OTOG: variants seen among roughly 807,000 people sequenced by gnomAD.
OTOG encodes otogelin.
In OTOG, 296 loss-of-function variants were observed where a neutral mutation model predicts 313.8. The ratio of observed to expected loss-of-function variants is 0.94; its 90% confidence interval spans 0.86 to 1.04. The LOEUF is 1.04. OTOG is among the 50% of genes least tolerant of loss of function. The pLI, the probability that OTOG is intolerant of heterozygous loss-of-function variation, is 0.00. For synonymous variants in OTOG, 1,533 were observed against 1,554.9 expected (o/e 0.99, Z 0.33); for missense variants, 3,948 against 3,840.1 (o/e 1.03, Z -0.74).
chr11:17,560,606 A>G (rs1166939866), intron 12 of OTOG, 103 bp from the exon 13 acceptor site: 1 of 823,650 alleles, frequency 1.2e-6, no homozygotes, highest in Non-Finnish European at 2.0e-6. Context: ...TCAGAGATGA[A>G]AGAAGTTAGA....
intron 33 of OTOG, among the ~76,000 whole-genome samples, chr11:17,607,339 A>G (rs1370464404): frequency 2.0e-5 from 3 of 152,338 alleles, no homozygotes; most frequent in African/African-American, 7.2e-5. Flanking sequence ...CTGTGTGTTC[A>G]GAAACTGGTC....
Position 17,593,256 on chromosome 11 carries a change from A to T in OTOG, c.3070A>T (p.Ile1024Phe). 1.3e-6 allele frequency: 2 copies of T among 1,550,302 alleles called. No homozygotes were observed. The highest frequency in any genetic ancestry group is 1.7e-4 in the Middle Eastern group (1 of 5,992). Residue 1024 changes from isoleucine to phenylalanine, a missense_variant, in exon 26 of 56, where the codon ATC becomes TTC. Ile to Phe is a conservative substitution (Grantham distance 21). Coordinates refer to ENST00000399397, the MANE Select transcript of OTOG (RefSeq NM_001292063.2). ...TGTGAACTGCTACAGCTCTGGCATG[A>T]TCTGCAGGAAATTTATTTCCATCAA... ...ENVNCYSSGM[I>F]CRKFISINVG...
At chr11:17,561,534 G>A (rs1434251621) in intron 14 of OTOG, 128 bp from the exon 15 acceptor site, 1 of 987,832 alleles carries the variant, frequency 1.0e-6, no homozygotes, top group Non-Finnish European at 1.5e-6. Context: ...TCAGGGGCCA[G>A]GCCTCATTCC....
chr11:17,571,411 G>A (rs1455019286), intron 17 of OTOG, among the ~76,000 whole-genome samples: 2 of 152,180 alleles, frequency 1.3e-5, no homozygotes, highest in Non-Finnish European at 1.5e-5. Flanking sequence ...GAGAGACCAT[G>A]ACCTCCCTCC....
chr11:17,593,145 G>T, intron 25 of OTOG, 48 bp from the exon 26 acceptor site: 2 of 1,516,166 alleles, frequency 1.3e-6, no homozygotes, highest in South Asian at 2.5e-5. Flanking sequence ...CTCTTGGCAG[G>T]ATCTCCTTTC....
intron 49 of OTOG, among the ~76,000 whole-genome samples, 152 bp from the exon 50 acceptor site, chr11:17,640,593 C>T (rs1169442065): frequency 1.3e-5 from 2 of 152,234 alleles, no homozygotes; most frequent in African/African-American, 4.8e-5. Context: ...TGGGACTGAG[C>T]TTCCAGGCTG....
chr11:17,638,653 G>T, intron 48 of OTOG, 104 bp downstream of exon 48: 8 of 1,483,088 alleles, frequency 5.4e-6, no homozygotes, highest in Non-Finnish European at 7.4e-6. Context: ...TCTCAGATCT[G>T]TCCCCTGCAG....
chr11:17,563,429 A>G (rs1009732450), intron 15 of OTOG, among the ~76,000 whole-genome samples: 5 of 152,214 alleles, frequency 3.3e-5, no homozygotes, highest in African/African-American at 1.2e-4. Flanking sequence ...TGAACTGTGG[A>G]TGAGGCAGAG....
At position 17,587,309 on chromosome 11, in the gene OTOG, G is replaced by GGTGGGTAGGCA. The variant is rs1273875244; in HGVS notation, c.2867+737_2867+747dup. Among the ~76,000 whole-genome samples, 3 of 152,370 alleles carry GGTGGGTAGGCA rather than the reference G, an allele frequency of 2.0e-5. No individual in the cohort carries two copies. In the East Asian group the frequency reaches 5.8e-4, roughly 29 times the overall value. Reference sequence around the variant, plus strand: ...CAGGGCCTGTTCTGGGCCACACAGAGGTGGGTAGGCAGTGGGTAGACTCAG... The same window carrying GGTGGGTAGGCA: ...CAGGGCCTGTTCTGGGCCACACAGAGGTGGGTAGGCAGTGGGTAGGCAGTGGGTAGACTCAG... On this transcript the variant is annotated intron_variant, in intron 24 of 55. Transcript: ENST00000399397.
At chr11:17,563,510 TGG>T in intron 15 of OTOG, among the ~76,000 whole-genome samples, 1 of 152,334 alleles carries the variant, frequency 6.6e-6, no homozygotes, top group Admixed American at 6.5e-5. Context: ...GGCCCAGCCC[TGG>T]CTTGGCTGCT....
chr11:17,600,178 T>C (rs538824106), intron 31 of OTOG, among the ~76,000 whole-genome samples: 2 of 152,194 alleles, frequency 1.3e-5, no homozygotes, highest in Non-Finnish European at 2.9e-5. Flanking sequence ...TTCCGGGAGA[T>C]GCTCTGACAT....
intron 30 of OTOG, among the ~76,000 whole-genome samples, chr11:17,598,581 T>C (rs931106603): frequency 6.6e-6 from 1 of 152,196 alleles, no homozygotes; most frequent in African/African-American, 2.4e-5. Context: ...ATGGGGCAGA[T>C]GTACGTAGCG....
intron 38 of OTOG, among the ~76,000 whole-genome samples, 178 bp downstream of exon 38, chr11:17,612,943 G>A (rs960845258): frequency 6.6e-6 from 1 of 152,176 alleles, no homozygotes; most frequent in African/African-American, 2.4e-5. Flanking sequence ...TGGAGGCTGG[G>A]GAAAGAATTG....
At chr11:17,563,096 C>T (rs1056319616) in intron 15 of OTOG, among the ~76,000 whole-genome samples, 1 of 152,170 alleles carries the variant, frequency 6.6e-6, no homozygotes, top group Non-Finnish European at 1.5e-5. Context: ...AAGACATGAC[C>T]CTTGAACTGT....
At position 17,610,809 on chromosome 11, in the gene OTOG, G is replaced by T. The variant is rs1430190942; in HGVS notation, c.5509G>T (p.Ala1837Ser). 1.3e-6 allele frequency: 2 copies of T among 1,550,712 alleles called. No individual in the cohort carries two copies. Among genetic ancestry groups the T allele is most frequent in the Admixed American group, 3.9e-5 (2 of 51,002 alleles). ...SVITTPLQPQ[A>S]TTLPAQTLSP... ...CATCACCACTCCACTCCAGCCACAG[G>T]CCACGACTCTGCCTGCTCAGACACT... The change falls in exon 36 of 56, where the codon GCC (alanine) becomes TCC (serine). Residue 1837 changes from alanine (A) to serine (S), a missense_variant. Ala to Ser is a moderately conservative substitution (Grantham distance 99). Coordinates refer to ENST00000399397, the MANE Select transcript of OTOG (RefSeq NM_001292063.2).
At chr11:17,570,476 T>G in intron 17 of OTOG, 86 bp downstream of exon 17, 18 of 1,311,504 alleles carry the variant, frequency 1.4e-5, no homozygotes, top group Non-Finnish European at 1.7e-5. Flanking sequence ...TAAATGTCTC[T>G]CCCGTGAGCC....
Position 17,569,288 on chromosome 11 carries a change from G to A in OTOG, c.1777G>A (p.Asp593Asn). Residue 593 changes from aspartate (D) to asparagine (N), a missense_variant and splice_region_variant, in exon 16 of 56, where the codon GAT (aspartate) becomes AAT (asparagine). Asp to Asn is a conservative substitution (Grantham distance 23, BLOSUM62 1). Coordinates refer to ENST00000399397, the MANE Select transcript of OTOG (RefSeq NM_001292063.2). ...CAAGATCATCCCGCCATACACAGAT[G>A]GTACGGTTTGGGGTGGACAACAGAC... ...QYKIIPPYTD[D>N]AFEIRRLSSV... 2 of 1,550,544 alleles carry A rather than the reference G, an allele frequency of 1.3e-6. No homozygotes were observed. The highest frequency in any genetic ancestry group is 1.7e-6 in the Non-Finnish European group (2 of 1,146,974).
chr11:17,561,005 C>T, intron 13 of OTOG, 86 bp from the exon 14 acceptor site: 1 of 1,432,072 alleles, frequency 7.0e-7, no homozygotes, highest in Non-Finnish European at 9.6e-7. Context: ...GATGGGAAGA[C>T]TGAGGGCTGT....
chr11:17,580,817 G>T (rs948098970), intron 23 of OTOG, among the ~76,000 whole-genome samples: 2 of 152,218 alleles, frequency 1.3e-5, no homozygotes, highest in African/African-American at 4.8e-5. Context: ...TGGGAGGAAG[G>T]TGTCATTATT....
Sources: gnomAD v4.1 joint callset for allele counts (sites outside exome capture counted in the v4.1 genomes callset) on GRCh38, gnomAD v4.1.1 for gene constraint, MANE v1.5 for transcripts, NCBI Gene and HGNC (gene_info 2026-07-23, HGNC 2026-07-21) for gene names.